The following CSTPP1 variants were observed in gnomAD, a reference collection of about 807,000 sequenced individuals.
CSTPP1 encodes UPF0705 protein C11orf49.
At chr11:47,148,867 G>A in the CSTPP1 span, among the ~76,000 whole-genome samples, 5 of 152,156 alleles carry the variant, frequency 3.3e-5, no homozygotes, top group African/African-American at 9.7e-5. Flanking sequence ...GTGGAACTAG[G>A]ACTTAATCCT....
chr11:47,100,093 C>T, the CSTPP1 span, among the ~76,000 whole-genome samples: 1 of 152,172 alleles, frequency 6.6e-6, no homozygotes, highest in East Asian at 1.9e-4. Context: ...CATTTAAATG[C>T]CTCTTCTATA....
the CSTPP1 span, among the ~76,000 whole-genome samples, chr11:47,118,994 T>C: frequency 6.6e-6 from 1 of 152,246 alleles, no homozygotes; most frequent in Admixed American, 6.5e-5. Flanking sequence ...TCCTCAGAGC[T>C]GTCAGACAGG....
At chr11:46,985,424 A>G in the CSTPP1 span, among the ~76,000 whole-genome samples, 1 of 152,214 alleles carries the variant, frequency 6.6e-6, no homozygotes, top group African/African-American at 2.4e-5. Flanking sequence ...GTAAATGTCT[A>G]CTTTGGCAGC....
the CSTPP1 span, among the ~76,000 whole-genome samples, chr11:46,960,947 C>T: frequency 6.6e-6 from 1 of 152,112 alleles, no homozygotes; most frequent in Non-Finnish European, 1.5e-5. Context: ...TGTATGGGTA[C>T]ATCACATTTT....
the CSTPP1 span, among the ~76,000 whole-genome samples, chr11:47,010,323 A>G: frequency 6.6e-6 from 1 of 151,578 alleles, no homozygotes; most frequent in South Asian, 2.1e-4. Context: ...CTTTTCTTCA[A>G]AGAGTCTCAC....
At chr11:46,958,706 T>C in the CSTPP1 span, among the ~76,000 whole-genome samples, 1 of 152,026 alleles carries the variant, frequency 6.6e-6, no homozygotes, top group South Asian at 2.1e-4. Context: ...GCCTGCAAGG[T>C]AGAGAACCAG....
At chr11:47,061,968 CTG>C in the CSTPP1 span, among the ~76,000 whole-genome samples, 1 of 151,962 alleles carries the variant, frequency 6.6e-6, no homozygotes, top group African/African-American at 2.4e-5. Context: ...GCAAGCATTC[CTG>C]GAATGCTTTT....
chr11:46,989,883 T>C, the CSTPP1 span, among the ~76,000 whole-genome samples: 5 of 152,206 alleles, frequency 3.3e-5, no homozygotes, highest in African/African-American at 4.8e-5. Flanking sequence ...CACTTATAAG[T>C]GAGAACATGT....
the CSTPP1 span, among the ~76,000 whole-genome samples, chr11:47,159,348 G>C: frequency 6.6e-6 from 1 of 151,872 alleles, no homozygotes; most frequent in Non-Finnish European, 1.5e-5. Flanking sequence ...CATCACTACT[G>C]AAAATACAAA....
At chr11:47,157,841 G>A in the CSTPP1 span, 81 of 1,613,960 alleles carry the variant, frequency 5.0e-5, 1 homozygote, top group Admixed American at 9.0e-4. Context: ...TGTCAAAGAG[G>A]CCCTCAGCAA....
chr11:47,040,719 A>G, the CSTPP1 span, among the ~76,000 whole-genome samples: 1 of 126,822 alleles, frequency 7.9e-6, no homozygotes, highest in Admixed American at 8.5e-5. Flanking sequence ...ATGGCCTGTG[A>G]TCCATGGGAT....
the CSTPP1 span, chr11:47,157,291 C>A: frequency 6.8e-7 from 1 of 1,468,570 alleles, no homozygotes; most frequent in Non-Finnish European, 9.1e-7. Flanking sequence ...AACAGAGCTC[C>A]GCAGGATGTT....
the CSTPP1 span, chr11:46,936,868 A>G: frequency 2.3e-5 from 36 of 1,554,008 alleles, no homozygotes; most frequent in Admixed American, 5.8e-5. Context: ...ACCCCCTTTA[A>G]CTTTGGGGAG....
At chr11:47,121,419 T>C in the CSTPP1 span, among the ~76,000 whole-genome samples, 3 of 152,180 alleles carry the variant, frequency 2.0e-5, no homozygotes, top group Non-Finnish European at 4.4e-5. Context: ...CATTGCCTAT[T>C]AGTTAAGTTT....
the CSTPP1 span, among the ~76,000 whole-genome samples, chr11:47,143,404 T>C: frequency 6.6e-6 from 1 of 152,182 alleles, no homozygotes; most frequent in Non-Finnish European, 1.5e-5. Flanking sequence ...GGGGACAGGC[T>C]GCAGAAGCAG....
the CSTPP1 span, chr11:46,948,038 C>G: frequency 8.8e-6 from 4 of 456,004 alleles, no homozygotes; most frequent in East Asian, 6.9e-5. Context: ...ATGCTTGAAA[C>G]AATAACACTT....
chr11:46,964,545 A>G, the CSTPP1 span, among the ~76,000 whole-genome samples: 2 of 152,250 alleles, frequency 1.3e-5, no homozygotes, highest in African/African-American at 2.4e-5. Context: ...TCGGCCCCCC[A>G]GAGTGCTGGG....
chr11:47,161,796 A>AG, the CSTPP1 span: 2 of 1,412,434 alleles, frequency 1.4e-6, no homozygotes, highest in Non-Finnish European at 1.8e-6. Context: ...TCTGATGATC[A>AG]GCCCAGCCAG....
chr11:47,047,461 T>C, the CSTPP1 span, among the ~76,000 whole-genome samples: 1 of 152,218 alleles, frequency 6.6e-6, no homozygotes, highest in Non-Finnish European at 1.5e-5. Flanking sequence ...TTTGATTTCC[T>C]GCAAAGGTGC....
Sources: gnomAD v4.1 joint callset for allele counts (sites outside exome capture counted in the v4.1 genomes callset) on GRCh38, gnomAD v4.1.1 for gene constraint, MANE v1.5 for transcripts, NCBI Gene and HGNC (gene_info 2026-07-23, HGNC 2026-07-21) for gene names.